Variants in PIWIL4 observed in about 807,000 individuals in gnomAD.
PIWIL4 encodes the protein piwi-like protein 4.
In PIWIL4, 50 loss-of-function variants were observed where a neutral mutation model predicts 100.9. The observed-to-expected ratio is 0.50, with a 90% CI of 0.39 to 0.63. The LOEUF is 0.63. PIWIL4 is among the 20% of genes least tolerant of loss of function. The probability of loss-of-function intolerance (pLI) is 0.00; values close to 1 mark genes in which losing one functional copy is unlikely to be tolerated. For missense variants in PIWIL4, 887 were observed against 1,043.3 expected (o/e 0.85, Z 2.06); for synonymous variants, 342 against 367.5 (o/e 0.93, Z 0.79).
Position 94,587,082 on chromosome 11 carries a change from T to C in PIWIL4, c.749T>C (p.Val250Ala), listed in dbSNP as rs1482651915. Residue 250 changes from valine to alanine, a missense_variant, in exon 7 of 20, where the codon GTG (valine) becomes GCG (alanine). Physicochemically the swap from Val to Ala is moderately conservative, Grantham distance 64. Coordinates refer to ENST00000299001, the MANE Select transcript of PIWIL4 (RefSeq NM_152431.3). ...CTTTGGCCTGGGTTTGCCATTTCTG[T>C]GTCATATTTTGAAAGGAAGCTCCTG... ...LSLWPGFAIS[V>A]SYFERKLLFS... The C allele has an allele frequency of 6.2e-7, 1 of 1,613,806 alleles. No individual in the cohort carries two copies. Among genetic ancestry groups the C allele is most frequent in the Non-Finnish European group, 8.5e-7 (1 of 1,179,754 alleles).
Position 94,583,044 on chromosome 11 carries a change from ATGTGTG to A in PIWIL4, c.514-379_514-374del, listed in dbSNP as rs58072951. 3.1e-4 allele frequency among the ~76,000 whole-genome samples: 42 copies of A among 133,892 alleles called. 1 individual carries two copies. The South Asian group carries it at 9.0e-3, about 29-fold the overall frequency. 87.8% of individuals were successfully genotyped at this position (133,892 alleles called of 152,430 possible). On this transcript the variant is annotated intron_variant, in intron 4 of 19. Transcript: ENST00000299001. ...TGTTGTGGTGTGTGTATATATATAT[ATGTGTG>A]TGTGTGTGTGTGTGTGTGTGTGTGA...
intron 15 of PIWIL4, among the ~76,000 whole-genome samples, chr11:94,612,007 G>A (rs372303704): frequency 1.3e-5 from 2 of 152,252 alleles, no homozygotes; most frequent in Admixed American, 6.5e-5. Context: ...TTCCATGTGT[G>A]CTTGAGCAGA....
At chr11:94,617,112 T>C (rs1253937286) in intron 16 of PIWIL4, among the ~76,000 whole-genome samples, 1 of 152,198 alleles carries the variant, frequency 6.6e-6, no homozygotes, top group African/African-American at 2.4e-5. Flanking sequence ...CCCTTCCCTC[T>C]CCTGATCTGC....
chr11:94,584,385 T>A (rs1948369107), intron 5 of PIWIL4, among the ~76,000 whole-genome samples: 1 of 152,322 alleles, frequency 6.6e-6, no homozygotes, highest in South Asian at 2.1e-4. Flanking sequence ...CCCACCCAGA[T>A]GTCCTAATTC....
At chr11:94,572,540 T>C (rs1208246914) in intron 2 of PIWIL4, among the ~76,000 whole-genome samples, 1 of 152,232 alleles carries the variant, frequency 6.6e-6, no homozygotes, top group Admixed American at 6.5e-5. Context: ...ACTTATTAAA[T>C]AGGGAATCCT....
intron 11 of PIWIL4, among the ~76,000 whole-genome samples, chr11:94,601,168 A>G (rs572753546): frequency 6.6e-6 from 1 of 152,050 alleles, no homozygotes; most frequent in East Asian, 1.9e-4. Context: ...GTGTCCATGA[A>G]ATCTTCACAA....
At position 94,597,833 on chromosome 11, in the gene PIWIL4, C is replaced by A. The variant is rs1948576289; in HGVS notation, c.1298C>A (p.Thr433Asn). 1 of 1,613,952 alleles carries A rather than the reference C, an allele frequency of 6.2e-7. No homozygotes were observed. Among genetic ancestry groups the A allele is most frequent in the Non-Finnish European group, 8.5e-7 (1 of 1,179,864 alleles). The change falls in exon 11 of 20, where the codon ACC becomes AAC. Residue 433 changes from threonine (T) to asparagine (N), a missense_variant. By Grantham distance (65) the Thr-to-Asn change is moderately conservative. Coordinates refer to ENST00000299001, the MANE Select transcript of PIWIL4 (RefSeq NM_152431.3). The stretch of plus-strand genomic sequence containing the variant: ...ACCAATGCTCGCTTTGAACTAGAGA[C>A]CTGGGGACTGCATTTTGGAAGCCAG... ...RNTNARFELE[T>N]WGLHFGSQIS...
At position 94,607,555 on chromosome 11, in the gene PIWIL4, G is replaced by A. The variant is rs1261621594; in HGVS notation, c.1755G>A (p.Gln585=). 3.7e-6 allele frequency: 6 copies of A among 1,614,102 alleles called. No individual in the cohort carries two copies. The highest frequency in any genetic ancestry group is 4.2e-6 in the Non-Finnish European group (5 of 1,180,006). Residue 585 remains glutamine, a synonymous_variant, in exon 14 of 20, where the codon CAG becomes CAA. Transcript: ENST00000299001. ...TGCTTGCTCGGACCTTGAATAAACA[G>A]GGCATGATGATGAGTATCGCCACCA... ...QCVLARTLNK[Q]GMMMSIATKI...
intron 14 of PIWIL4, 101 bp from the exon 15 acceptor site, chr11:94,608,482 A>G: frequency 1.0e-6 from 1 of 957,222 alleles, no homozygotes; most frequent in Non-Finnish European, 1.6e-6. Context: ...AACTTTAAGA[A>G]TTCAGTAACT....
intron 13 of PIWIL4, among the ~76,000 whole-genome samples, chr11:94,604,533 C>T (rs960177974): frequency 1.3e-5 from 2 of 152,206 alleles, no homozygotes; most frequent in African/African-American, 4.8e-5. Context: ...GGGACATCCA[C>T]AGTTGCCTCA....
At chr11:94,603,944 A>G in intron 12 of PIWIL4, 40 bp from the exon 13 acceptor site, 7 of 1,325,870 alleles carry the variant, frequency 5.3e-6, no homozygotes, top group Non-Finnish European at 7.5e-6. Context: ...TGCTACTAAG[A>G]AGGAAGTTAC....
rs1312639072 is a variant in PIWIL4 at position 94,568,763 on chromosome 11, T to C, written c.121T>C (p.Ser41Pro). 2.5e-6 allele frequency: 4 copies of C among 1,610,236 alleles called. No individual in the cohort carries two copies. The highest frequency in any genetic ancestry group is 2.2e-5 in the East Asian group (1 of 44,874). Residue 41 changes from serine to proline, a missense_variant, in exon 2 of 20, where the codon TCC (serine) becomes CCC (proline). By Grantham distance (74) the Ser-to-Pro change is moderately conservative (BLOSUM62 -1). This residue lies in a region of PIWIL4 where 146 missense variants were observed against 113.4 expected (regional missense o/e 1.29). Transcript: ENST00000299001. ...RSVDLSNNEASSSNGFLGTSR... is the reference protein window; with the variant it reads ...RSVDLSNNEAPSSNGFLGTSR... ...TGTTGATCTTAGTAACAATGAAGCA[T>C]CCTCTAGCAATGGCTTCTTGGGAAC...
intron 12 of PIWIL4, among the ~76,000 whole-genome samples, chr11:94,602,225 T>C (rs897031744): frequency 6.6e-6 from 1 of 152,222 alleles, no homozygotes; most frequent in African/African-American, 2.4e-5. Context: ...CCTGAAAATC[T>C]TTCCAGTACC....
At chr11:94,586,171 T>G (rs1291118691) in intron 6 of PIWIL4, among the ~76,000 whole-genome samples, 1 of 151,752 alleles carries the variant, frequency 6.6e-6, no homozygotes. Context: ...TTTCCATATG[T>G]TCATTCAGAG....
chr11:94,601,661 C>A (rs575038369), intron 11 of PIWIL4, 134 bp from the exon 12 acceptor site: 2 of 830,646 alleles, frequency 2.4e-6, no homozygotes, highest in Non-Finnish European at 4.0e-6. Context: ...GCAGTGCCTG[C>A]ATCTGTGTTT....
intron 4 of PIWIL4, among the ~76,000 whole-genome samples, chr11:94,581,087 A>T (rs1386930488): frequency 6.6e-6 from 1 of 151,536 alleles, no homozygotes; most frequent in Non-Finnish European, 1.5e-5. Flanking sequence ...TTTAGTAGAG[A>T]CGCGGTTTCA....
chr11:94,595,548 T>C, intron 10 of PIWIL4, 122 bp downstream of exon 10: 1 of 824,994 alleles, frequency 1.2e-6, no homozygotes. Flanking sequence ...CAAGGAGCTT[T>C]TGAATTGTGC....
At chr11:94,613,949 A>G (rs1948814452) in intron 15 of PIWIL4, among the ~76,000 whole-genome samples, 1 of 151,900 alleles carries the variant, frequency 6.6e-6, no homozygotes, top group East Asian at 1.9e-4. Flanking sequence ...TTTTTAGTAG[A>G]GAGGGGGTTT....
rs774306731 is a variant in PIWIL4 at position 94,577,385 on chromosome 11, T to A, written c.406T>A (p.Ser136Thr). ...TGTGACATATATTCCAGATTTAGCA[T>A]CTAGAAGGCTGAGAATTGCTTTACT... ...YHVTYIPDLA[S>T]RRLRIALLYS... The change falls in exon 4 of 20, where the codon TCT (serine) becomes ACT (threonine). Residue 136 changes from serine (S) to threonine (T), a missense_variant. By Grantham distance (58) the Ser-to-Thr change is moderately conservative. Around this residue, in one of 2 missense-constraint regions of PIWIL4, gnomAD observed 741 missense variants for 930.0 expected, o/e 0.80. Coordinates refer to ENST00000299001, the MANE Select transcript of PIWIL4 (RefSeq NM_152431.3). The A allele has an allele frequency of 1.2e-6, 2 of 1,614,076 alleles. No individual in the cohort carries two copies. The highest frequency in any genetic ancestry group is 2.2e-5 in the South Asian group (2 of 91,086).
Sources: gnomAD v4.1 joint callset for allele counts (sites outside exome capture counted in the v4.1 genomes callset) on GRCh38, gnomAD v4.1.1 for gene constraint, gnomAD v4.1.1 regional missense constraint, MANE v1.5 for transcripts, NCBI Gene and HGNC (gene_info 2026-07-23, HGNC 2026-07-21) for gene names.